Variants in NRXN1 observed in about 807,000 individuals in gnomAD.
NRXN1 encodes neurexin 1, also known as neurexin-1.
In NRXN1, 39 loss-of-function variants were observed where a neutral mutation model predicts 150.9. That is an observed-to-expected ratio of 0.26 (90% CI 0.20 to 0.34). NRXN1 has a LOEUF of 0.34. Ranked by LOEUF, NRXN1 falls within the 10% of genes least tolerant of loss-of-function variation. NRXN1 has a pLI of 1.00. For synonymous variants in NRXN1, 924 were observed against 757.0 expected, an observed-to-expected ratio of 1.22 and a Z score of -3.62; for missense variants, 1,815 against 1,949.9, an observed-to-expected ratio of 0.93 and a Z score of 1.30.
At chr2:50,897,662 A>G (rs1023914666) in intron 5 of NRXN1, among the ~76,000 whole-genome samples, 1 of 152,216 alleles carries the variant, frequency 6.6e-6, no homozygotes, top group East Asian at 1.9e-4. Flanking sequence ...AGCCACACAC[A>G]AGAGCACATA....
chr2:50,454,181 T>C (rs2087280844), intron 17 of NRXN1, among the ~76,000 whole-genome samples: 1 of 151,742 alleles, frequency 6.6e-6, no homozygotes, highest in African/African-American at 2.4e-5. Context: ...CAAAAAGCAG[T>C]GGGGCGTAGT....
At chr2:50,176,067 A>G (rs2060335842) in intron 18 of NRXN1, among the ~76,000 whole-genome samples, 1 of 152,164 alleles carries the variant, frequency 6.6e-6, no homozygotes, top group South Asian at 2.1e-4. Flanking sequence ...TTCAGTTAGA[A>G]GGATGGAAAA....
intron 17 of NRXN1, among the ~76,000 whole-genome samples, chr2:50,277,930 A>C (rs2070772283): frequency 6.6e-6 from 1 of 151,920 alleles, no homozygotes; most frequent in Admixed American, 6.6e-5. Flanking sequence ...ATATGTTCTG[A>C]GTGGCAATTA....
At chr2:51,022,931 T>G (rs1413491220) in intron 2 of NRXN1, among the ~76,000 whole-genome samples, 2 of 152,094 alleles carry the variant, frequency 1.3e-5, no homozygotes, top group Non-Finnish European at 1.5e-5. Flanking sequence ...ACCCATAAAT[T>G]CAATGGGTGT....
intron 5 of NRXN1, among the ~76,000 whole-genome samples, chr2:50,639,424 T>C (rs1030429622): frequency 2.0e-5 from 3 of 151,914 alleles, no homozygotes; most frequent in Non-Finnish European, 2.9e-5. Context: ...TCTTACCATG[T>C]TGGCCAGGCT....
intron 13 of NRXN1, among the ~76,000 whole-genome samples, chr2:50,504,793 C>A (rs1558846624): frequency 6.6e-6 from 1 of 152,180 alleles, no homozygotes; most frequent in Non-Finnish European, 1.5e-5. Context: ...ACCATCAAGT[C>A]ATTGGCCTCA....
At chr2:50,206,733 C>T (rs762346801) in intron 18 of NRXN1, among the ~76,000 whole-genome samples, 3 of 151,602 alleles carry the variant, frequency 2.0e-5, no homozygotes, top group South Asian at 2.1e-4. Context: ...TGTTTGAAAA[C>T]GTCATTTGTT....
At chr2:50,691,727 C>G (rs943966191) in intron 5 of NRXN1, among the ~76,000 whole-genome samples, 2 of 152,110 alleles carry the variant, frequency 1.3e-5, no homozygotes, top group Non-Finnish European at 2.9e-5. Flanking sequence ...CGCCACATAT[C>G]ACCAGATCTC....
chr2:50,371,340 T>C (rs909352003), intron 17 of NRXN1, among the ~76,000 whole-genome samples: 1 of 152,086 alleles, frequency 6.6e-6, no homozygotes, highest in Non-Finnish European at 1.5e-5. Context: ...ATTGCCTCTC[T>C]TCTTTAGGCT....
At chr2:50,408,643 T>C (rs1316851395) in intron 17 of NRXN1, among the ~76,000 whole-genome samples, 1 of 152,156 alleles carries the variant, frequency 6.6e-6, no homozygotes, top group Non-Finnish European at 1.5e-5. Context: ...GGCTGTAACA[T>C]TGATTGTGTG....
Position 51,027,842 on chromosome 2 carries a change from G to A in NRXN1, c.432C>T (p.Arg144=), listed in dbSNP as rs758170224. ...GGCCGCTGAACACCGTCATGTCCCT[G>A]CGCTTGGACTTGACCTCCACCCACT... The part of the protein sequence containing the change: ...EAKWVEVKSK[R]RDMTVFSGLF... Residue 144 remains arginine, a synonymous_variant, in exon 2 of 23, where the codon CGC becomes CGT. Transcript: ENST00000401669. 6.2e-7 allele frequency: 1 copy of A among 1,613,344 alleles called. No individual in the cohort carries two copies. Among genetic ancestry groups the A allele is most frequent in the East Asian group, 2.2e-5 (1 of 44,826 alleles).
At chr2:50,127,795 C>T (rs963988239) in intron 18 of NRXN1, among the ~76,000 whole-genome samples, 2 of 152,154 alleles carry the variant, frequency 1.3e-5, no homozygotes, top group Non-Finnish European at 2.9e-5. Flanking sequence ...TGATAAAATA[C>T]TCCTTCACAT....
chr2:50,028,771 C>T (rs1322528204), intron 21 of NRXN1, among the ~76,000 whole-genome samples: 1 of 152,204 alleles, frequency 6.6e-6, no homozygotes, highest in African/African-American at 2.4e-5. Context: ...CACTGTATGT[C>T]TAAACATTGC....
intron 21 of NRXN1, among the ~76,000 whole-genome samples, chr2:49,953,150 G>A (rs567429106): frequency 2.6e-5 from 4 of 152,068 alleles, no homozygotes; most frequent in Non-Finnish European, 4.4e-5. Context: ...CATTCCACAC[G>A]ATGCTTGGAG....
At chr2:50,961,309 T>C (rs916599434) in intron 2 of NRXN1, among the ~76,000 whole-genome samples, 6 of 151,796 alleles carry the variant, frequency 4.0e-5, no homozygotes, top group African/African-American at 1.4e-4. Flanking sequence ...AGATTCTGCA[T>C]TTCTAGCAAG....
intron 2 of NRXN1, among the ~76,000 whole-genome samples, chr2:50,988,160 C>T (rs1478556707): frequency 2.0e-5 from 3 of 151,954 alleles, no homozygotes. Context: ...AAAAATAAGT[C>T]AGGCCTAATT....
intron 18 of NRXN1, among the ~76,000 whole-genome samples, chr2:50,173,355 T>C (rs943025477): frequency 6.6e-6 from 1 of 152,176 alleles, no homozygotes; most frequent in South Asian, 2.1e-4. Flanking sequence ...TTTTAGGCCT[T>C]ATCAATGGCA....
chr2:50,595,299 A>T (rs1249945791), intron 8 of NRXN1, among the ~76,000 whole-genome samples: 3 of 151,698 alleles, frequency 2.0e-5, no homozygotes. Flanking sequence ...TTCTCTGGTT[A>T]TTATTATTAT....
intron 18 of NRXN1, among the ~76,000 whole-genome samples, chr2:50,112,285 G>A (rs1479072958): frequency 3.9e-5 from 6 of 152,128 alleles, no homozygotes; most frequent in African/African-American, 1.4e-4. Flanking sequence ...AACTCCCTTG[G>A]GTCCTTATTA....
Sources: gnomAD v4.1 joint callset for allele counts (sites outside exome capture counted in the v4.1 genomes callset) on GRCh38, gnomAD v4.1.1 for gene constraint, MANE v1.5 for transcripts, NCBI Gene and HGNC (gene_info 2026-07-23, HGNC 2026-07-21) for gene names.